The following NAV2 variants were observed in gnomAD, a reference collection of about 807,000 sequenced individuals.
NAV2 encodes helicase, APC down-regulated 1.
A neutral mutation model predicts 223.2 loss-of-function variants in NAV2; 54 were observed. The observed-to-expected ratio is 0.24, with a 90% CI of 0.19 to 0.30. NAV2 has a LOEUF of 0.30. Ranked by LOEUF, NAV2 falls within the 10% of genes least tolerant of loss-of-function variation. The pLI is 1.00. For missense variants in NAV2, 2,806 were observed against 3,147.5 expected (o/e 0.89, Z 2.60); for synonymous variants, 1,279 against 1,239.3 (o/e 1.03, Z -0.67).
intron 26 of NAV2, among the ~76,000 whole-genome samples, chr11:20,088,200 T>C (rs1171380265): frequency 6.6e-6 from 1 of 152,188 alleles, no homozygotes; most frequent in Non-Finnish European, 1.5e-5. Context: ...GTTTTGAGAC[T>C]GAGTTTCGCT....
chr11:19,556,109 C>A (rs182821106), intron 1 of NAV2, among the ~76,000 whole-genome samples: 1 of 152,112 alleles, frequency 6.6e-6, no homozygotes, highest in African/African-American at 2.4e-5. Flanking sequence ...AGGGTGTCAG[C>A]GACTTGAAAA....
chr11:19,498,322 G>T (rs1045409828), intron 1 of NAV2, among the ~76,000 whole-genome samples: 1 of 152,234 alleles, frequency 6.6e-6, no homozygotes, highest in African/African-American at 2.4e-5. Context: ...GTCCCCAAAA[G>T]GGGGAGGGCA....
intron 1 of NAV2, among the ~76,000 whole-genome samples, chr11:19,830,734 GCTT>G (rs961118033): frequency 9.9e-5 from 15 of 152,118 alleles, no homozygotes; most frequent in African/African-American, 2.9e-4. Context: ...ACCCATGTCT[GCTT>G]CTTTTCCTTT....
At chr11:19,766,878 G>A (rs887318889) in intron 1 of NAV2, among the ~76,000 whole-genome samples, 10 of 152,264 alleles carry the variant, frequency 6.6e-5, no homozygotes, top group African/African-American at 2.4e-4. Context: ...GAGAGCCTAG[G>A]CCCCTTCCTA....
chr11:19,360,074 C>A (rs1179858970), intron 1 of NAV2, among the ~76,000 whole-genome samples: 2 of 152,210 alleles, frequency 1.3e-5, no homozygotes, highest in East Asian at 3.8e-4. Context: ...TGCCTAGAAA[C>A]TGACAAAGAC....
At chr11:19,851,167 CAGAG>C (rs1271828652) in intron 3 of NAV2, among the ~76,000 whole-genome samples, 1 of 152,180 alleles carries the variant, frequency 6.6e-6, no homozygotes, top group Non-Finnish European at 1.5e-5. Context: ...GAAACAGAGA[CAGAG>C]AGCAGTTGAG....
chr11:19,847,907 C>A, intron 3 of NAV2, among the ~76,000 whole-genome samples: 1 of 152,170 alleles, frequency 6.6e-6, no homozygotes, highest in Non-Finnish European at 1.5e-5. Context: ...TTTCAGTGAT[C>A]ATTCATGTTT....
At chr11:19,782,548 G>A (rs939612156) in intron 1 of NAV2, among the ~76,000 whole-genome samples, 4 of 152,144 alleles carry the variant, frequency 2.6e-5, no homozygotes, top group African/African-American at 9.7e-5. Flanking sequence ...TCTGGCTCCT[G>A]TAATGTAATG....
chr11:19,713,788 G>A lies in NAV2; in HGVS notation c.93G>A (p.Arg31=), dbSNP rs1565192181. The A allele has an allele frequency of 2.5e-6, 4 of 1,612,938 alleles. No homozygotes were observed. Among genetic ancestry groups the A allele is most frequent in the Non-Finnish European group, 2.5e-6 (3 of 1,179,740 alleles). Residue 31 remains arginine, a synonymous_variant, in exon 1 of 38, where the codon CGG becomes CGA. Transcript: ENST00000349880. The surrounding 1 kb of genome is among the most constrained non-coding windows in gnomAD (Gnocchi z 7.2). ...CCATCCTGCACGTGCCCCCGGCCCG[G>A]GCGGGCCCCCAGCCCTGCTACCTGA... ...AAPILHVPPA[R]AGPQPCYLKL...
At chr11:19,589,959 G>A (rs1298606027) in intron 1 of NAV2, among the ~76,000 whole-genome samples, 1 of 152,170 alleles carries the variant, frequency 6.6e-6, no homozygotes, top group Admixed American at 6.5e-5. Flanking sequence ...TGGGGCCTGG[G>A]GCAAGTTCCT....
rs76259280 is a variant in NAV2, at chr11:19,484,239, G to C, written c.75+133212G>C. ...CTGGCTCTTTCTTCTGCACTGTGCT[G>C]CTTCCTATCTTGAGAGGTTGGAAGG... On this transcript the variant is annotated intron_variant, in intron 1 of 37. Coordinates refer to the NAV2 transcript ENST00000360655. Among the ~76,000 whole-genome samples, 1,165 of 152,116 alleles carry C rather than the reference G, an allele frequency of 7.7e-3. 17 individuals are homozygous for C. Among genetic ancestry groups the C allele is most frequent in the African/African-American group, 0.026 (1,096 of 41,524 alleles).
intron 1 of NAV2, among the ~76,000 whole-genome samples, chr11:19,564,686 G>A (rs2045213081): frequency 6.7e-6 from 1 of 149,116 alleles, no homozygotes; most frequent in Admixed American, 6.6e-5. Flanking sequence ...TAGAAATCAG[G>A]GGGCCGGGAG....
At chr11:19,596,150 A>G (rs919897975) in intron 1 of NAV2, among the ~76,000 whole-genome samples, 1 of 152,208 alleles carries the variant, frequency 6.6e-6, no homozygotes, top group Non-Finnish European at 1.5e-5. Flanking sequence ...TTATAGGACA[A>G]TGTTGATGTC....
At chr11:19,560,663 G>C (rs147882987) in intron 1 of NAV2, among the ~76,000 whole-genome samples, 1 of 152,300 alleles carries the variant, frequency 6.6e-6, no homozygotes, top group Non-Finnish European at 1.5e-5. Flanking sequence ...ACAAATATTG[G>C]TTTATGACTA....
At chr11:19,381,805 T>C (rs933506031) in intron 1 of NAV2, among the ~76,000 whole-genome samples, 10 of 152,318 alleles carry the variant, frequency 6.6e-5, no homozygotes, top group African/African-American at 2.4e-4. Context: ...AAATGGAGGC[T>C]GGAGCCAGAG....
At chr11:19,513,916 G>A (rs2043357569) in intron 1 of NAV2, among the ~76,000 whole-genome samples, 1 of 152,174 alleles carries the variant, frequency 6.6e-6, no homozygotes, top group South Asian at 2.1e-4. Flanking sequence ...AAGCTAGGAA[G>A]ATGCAAGGAA....
At chr11:19,452,110 G>C (rs1851809668) in intron 1 of NAV2, among the ~76,000 whole-genome samples, 1 of 764 alleles carries the variant, frequency 1.3e-3, no homozygotes, top group Non-Finnish European at 4.6e-3. Context: ...TTACAAAAGT[G>C]TGTGTGTGTG....
At chr11:19,956,636 C>T (rs949863039) in intron 10 of NAV2, among the ~76,000 whole-genome samples, 5 of 152,138 alleles carry the variant, frequency 3.3e-5, no homozygotes, top group Non-Finnish European at 7.4e-5. Context: ...GCATAGTGCA[C>T]GGTGTGGGGG....
At chr11:19,610,128 C>T (rs572286054) in intron 1 of NAV2, among the ~76,000 whole-genome samples, 1 of 152,344 alleles carries the variant, frequency 6.6e-6, no homozygotes, top group South Asian at 2.1e-4. Context: ...ATCATATCCC[C>T]AGGCTCATGG....
Sources: allele counts gnomAD v4.1 joint callset (sites outside exome capture counted in the v4.1 genomes callset), GRCh38; gene constraint gnomAD v4.1.1; non-coding constraint Gnocchi (gnomAD v3.1); transcripts MANE v1.5; gene names NCBI Gene and HGNC (gene_info 2026-07-23, HGNC 2026-07-21).